Variants in MGST2 observed in about 807,000 individuals in gnomAD.
The protein encoded by MGST2 is microsomal glutathione S-transferase 2, also known as glutathione peroxidase MGST2.
MGST2 carries 9 observed loss-of-function variants against 16.6 expected under a neutral mutation model. The observed-to-expected ratio is 0.54, with a 90% CI of 0.33 to 0.95. The LOEUF is 0.95. Among genes scored for constraint, MGST2 ranks in the 40% least tolerant of loss-of-function variants. The pLI is 0.03. For synonymous variants in MGST2, 79 were observed against 68.0 expected, an observed-to-expected ratio of 1.16 and a Z score of -0.79; for missense variants, 159 against 175.1, an observed-to-expected ratio of 0.91 and a Z score of 0.52.
intron 2 of MGST2, among the ~76,000 whole-genome samples, chr4:139,682,251 A>G (rs75631080): frequency 6.6e-6 from 1 of 151,408 alleles, no homozygotes; most frequent in African/African-American, 2.4e-5. Context: ...CTAAAAAAAA[A>G]AAAAACAAAA....
At chr4:139,730,273 AG>A in intron 5 of MGST2, 1 of 725,596 alleles carries the variant, frequency 1.4e-6, no homozygotes, top group Non-Finnish European at 2.3e-6. Context: ...TAAATTCTTC[AG>A]GTTCTCTTGT....
At chr4:139,689,409 G>A (rs1229022522) in intron 2 of MGST2, among the ~76,000 whole-genome samples, 2 of 152,152 alleles carry the variant, frequency 1.3e-5, no homozygotes, top group Non-Finnish European at 2.9e-5. Context: ...ACTTGACAAG[G>A]AGCAATTTAG....
At chr4:139,713,497 A>T (rs13141541) in intron 5 of MGST2, among the ~76,000 whole-genome samples, 1 of 149,526 alleles carries the variant, frequency 6.7e-6, no homozygotes, top group East Asian at 2.0e-4. Flanking sequence ...AAAAAAAAAA[A>T]GGAGAAAAAT....
Position 139,665,963 on chromosome 4 carries a change from A to G in MGST2, c.-57A>G. ...ACCCGATAAGGAAGGTCAGCATTCAAAGTCAAGAAGCGCCATTTATCTTCC... is the reference window on the plus strand; with the variant it reads ...ACCCGATAAGGAAGGTCAGCATTCAGAGTCAAGAAGCGCCATTTATCTTCC... On this transcript the variant is annotated 5_prime_UTR_variant, in exon 1 of 5. Coordinates refer to ENST00000265498, the MANE Select transcript of MGST2 (RefSeq NM_002413.5). The G allele has an allele frequency of 6.3e-7, 1 of 1,578,066 alleles. No individual in the cohort carries two copies. Among genetic ancestry groups the G allele is most frequent in the Non-Finnish European group, 8.7e-7 (1 of 1,148,008 alleles).
chr4:139,691,672 TGA>T (rs767393946), intron 2 of MGST2, among the ~76,000 whole-genome samples: 3,111 of 130,276 alleles, frequency 0.024, 100 homozygotes, highest in African/African-American at 0.093. Flanking sequence ...AGTCAGATGA[TGA>T]TGATGATGAT....
At chr4:139,705,698 A>G (rs541825927), downstream of MGST2, 1 of 152,314 alleles carries the variant, frequency 6.6e-6, no homozygotes, top group African/African-American at 2.4e-5. Context: ...ACAAGTGCGA[A>G]GAGAATATTC....
intron 1 of MGST2, among the ~76,000 whole-genome samples, chr4:139,667,877 G>C (rs1224772414): frequency 6.6e-6 from 1 of 152,062 alleles, no homozygotes; most frequent in African/African-American, 2.4e-5. Context: ...AAAAGATGTT[G>C]ATGAAGAGTT....
chr4:139,670,010 C>T (rs1316669777), intron 1 of MGST2, among the ~76,000 whole-genome samples: 1 of 152,126 alleles, frequency 6.6e-6, no homozygotes, highest in Non-Finnish European at 1.5e-5. Flanking sequence ...GTGCATTCCT[C>T]GGTCTTCTTT....
intron 3 of MGST2, among the ~76,000 whole-genome samples, 153 bp downstream of exon 3, chr4:139,695,420 G>A (rs573958135): frequency 2.4e-4 from 36 of 152,248 alleles, no homozygotes; most frequent in African/African-American, 8.7e-4. Flanking sequence ...TCAGGAGTTC[G>A]AGACCAGCCT....
At chr4:139,745,109 G>C (rs1285809681), downstream of MGST2, among the ~76,000 whole-genome samples, 2 of 152,208 alleles carry the variant, frequency 1.3e-5, no homozygotes, top group Admixed American at 1.3e-4. Flanking sequence ...CTTGATGGAA[G>C]TGTAGATTTG....
At chr4:139,679,647 A>G (rs947053359) in intron 2 of MGST2, among the ~76,000 whole-genome samples, 1 of 152,172 alleles carries the variant, frequency 6.6e-6, no homozygotes, top group Non-Finnish European at 1.5e-5. Context: ...TTGAGATGAT[A>G]ACATTGGTCT....
intron 1 of MGST2, among the ~76,000 whole-genome samples, chr4:139,677,271 G>T (rs1731010708): frequency 6.6e-6 from 1 of 152,196 alleles, no homozygotes; most frequent in Admixed American, 6.5e-5. Context: ...AGGAGGTCCT[G>T]ATGACATGTG....
chr4:139,676,978 C>T (rs1305030136), intron 1 of MGST2, among the ~76,000 whole-genome samples: 1 of 152,104 alleles, frequency 6.6e-6, no homozygotes, highest in Non-Finnish European at 1.5e-5. Context: ...CTGGAAGAAA[C>T]ACTTACCATC....
chr4:139,712,768 C>A (rs2110930404), intron 5 of MGST2, among the ~76,000 whole-genome samples: 1 of 152,202 alleles, frequency 6.6e-6, no homozygotes, highest in South Asian at 2.1e-4. Context: ...AGGCCAGTTC[C>A]CCAAAGGGTT....
At chr4:139,743,689 T>C (rs912442159), downstream of MGST2, among the ~76,000 whole-genome samples, 2 of 152,212 alleles carry the variant, frequency 1.3e-5, no homozygotes, top group Non-Finnish European at 2.9e-5. Context: ...GTGAGATTCC[T>C]TTCTTTATTT....
the MGST2 span, among the ~76,000 whole-genome samples, chr4:139,753,788 G>A: frequency 6.6e-6 from 1 of 152,076 alleles, no homozygotes; most frequent in South Asian, 2.1e-4. Context: ...TTTCTCTCAT[G>A]CATATGCCAG....
At chr4:139,698,250 A>T (rs1038209968) in intron 3 of MGST2, 2 of 1,150,422 alleles carry the variant, frequency 1.7e-6, no homozygotes, top group East Asian at 4.8e-5. Flanking sequence ...AAAAAGGCCA[A>T]CCAGATAGGC....
chr4:139,679,149 G>T, intron 2 of MGST2: 1 of 166,256 alleles, frequency 6.0e-6, no homozygotes, highest in Non-Finnish European at 1.3e-5. Context: ...ATCATCTTGT[G>T]CTCCTTGTTT....
chr4:139,710,388 T>G (rs138313843), intron 5 of MGST2, among the ~76,000 whole-genome samples: 2 of 152,366 alleles, frequency 1.3e-5, no homozygotes, highest in African/African-American at 4.8e-5. Context: ...TAAGATTACA[T>G]GTAAGAACTC....
Sources: allele counts gnomAD v4.1 joint callset (sites outside exome capture counted in the v4.1 genomes callset), GRCh38; gene constraint gnomAD v4.1.1; transcripts MANE v1.5; gene names NCBI Gene and HGNC (gene_info 2026-07-23, HGNC 2026-07-21).